Variants in CPNE1 observed in about 807,000 individuals in gnomAD.
CPNE1 encodes copine 1.
Under a neutral mutation model 63.2 loss-of-function variants are expected in CPNE1, and 58 were observed. The ratio of observed to expected loss-of-function variants is 0.92; its 90% CI spans 0.74 to 1.14. The LOEUF is 1.14. Among genes scored for constraint, CPNE1 ranks in the 50% most tolerant of loss-of-function variants. The pLI is 0.00. For synonymous variants in CPNE1, 237 were observed against 249.0 expected, an observed-to-expected ratio of 0.95 and a Z score of 0.45; for missense variants, 672 against 661.7, an observed-to-expected ratio of 1.02 and a Z score of -0.17.
intron 1 of CPNE1, chr20:35,643,569 CCT>C (rs2032940297): frequency 6.6e-6 from 1 of 151,988 alleles, no homozygotes; most frequent in African/African-American, 2.4e-5. Flanking sequence ...ATGGTGAAAC[CCT>C]GTCTCTACTA....
intron 1 of CPNE1, chr20:35,659,128 G>T (rs1601491734): frequency 5.7e-4 from 166 of 292,702 alleles, no homozygotes; most frequent in East Asian, 7.3e-4. Flanking sequence ...TACTTCATTA[G>T]AATGCATATC....
At position 35,664,742 on chromosome 20, in the gene CPNE1, G is replaced by T. The variant is rs138629852; in HGVS notation, c.-1+18C>A. The T allele has an allele frequency of 6.6e-6, 1 of 152,284 alleles. No individual in the cohort carries two copies. The allele number at this position is 152,284 out of a possible 1,614,324, so 9.4% of individuals were successfully genotyped here. On this transcript the variant is annotated intron_variant, in intron 1 of 15. Transcript: ENST00000397443. ...GCCCCGCACAGCCCCACCCGTTCAG[G>T]GGCTGCGGGAGTCTTACCGGGGAAA...
Position 35,626,299 on chromosome 20 carries a change from G to C in CPNE1, c.1556C>G (p.Ala519Gly). 6.2e-7 allele frequency: 1 copy of C among 1,614,054 alleles called. No individual in the cohort carries two copies. Among genetic ancestry groups the C allele is most frequent in the Non-Finnish European group, 8.5e-7 (1 of 1,179,992 alleles). The change falls in exon 16 of 16, where the codon GCC becomes GGC. Residue 519 changes from alanine (A) to glycine (G), a missense_variant. Transcript: ENST00000397443. The part of the protein sequence containing the change: ...LVSYFRAQGW[A>G]PLKPLPPSAK... ...TGAGGGTGGAAGTGGCTTGAGCGGG[G>C]CCCAACCCTGGGCCCTGAAGTATGA...
chr20:35,644,968 T>C (rs574568044), intron 1 of CPNE1, among the ~76,000 whole-genome samples: 8 of 152,316 alleles, frequency 5.3e-5, no homozygotes, highest in Non-Finnish European at 2.9e-5. Flanking sequence ...AGGACATCTA[T>C]AGGGTAGTCA....
intron 1 of CPNE1, chr20:35,643,375 G>A (rs1213532467): frequency 6.6e-6 from 1 of 152,264 alleles, no homozygotes; most frequent in Admixed American, 6.5e-5. Context: ...CTCAAAAGCA[G>A]GATAGGACTG....
At chr20:35,653,772 A>G (rs866817511) in intron 1 of CPNE1, 1 of 1,614,068 alleles carries the variant, frequency 6.2e-7, no homozygotes, top group South Asian at 1.1e-5. Context: ...GTCTTTTTCG[A>G]ATCATATCTA....
chr20:35,647,881 C>T (rs2033225691), intron 1 of CPNE1, among the ~76,000 whole-genome samples: 1 of 147,300 alleles, frequency 6.8e-6, no homozygotes, highest in Admixed American at 6.8e-5. Flanking sequence ...GGCAAAACCC[C>T]GTCTCTACTA....
chr20:35,643,447 G>C (rs887509796), intron 1 of CPNE1: 1 of 152,218 alleles, frequency 6.6e-6, no homozygotes, highest in African/African-American at 2.4e-5. Context: ...AAGTCTTCAC[G>C]TGAGTACTTC....
intron 1 of CPNE1, among the ~76,000 whole-genome samples, chr20:35,661,820 G>A (rs1312886796): frequency 1.3e-5 from 2 of 152,140 alleles, no homozygotes. Context: ...ATCCAAAAGT[G>A]AACTTTAACT....
At chr20:35,662,107 G>A (rs899348480) in intron 1 of CPNE1, among the ~76,000 whole-genome samples, 1 of 152,142 alleles carries the variant, frequency 6.6e-6, no homozygotes, top group South Asian at 2.1e-4. Context: ...TGACACTGAT[G>A]GAGATGTGTA....
At chr20:35,634,640 TAAGGTCCTGG>T (rs1261564998) in intron 1 of CPNE1, among the ~76,000 whole-genome samples, 1 of 152,108 alleles carries the variant, frequency 6.6e-6, no homozygotes, top group Non-Finnish European at 1.5e-5. Context: ...CCATGGCCTA[TAAGGTCCTGG>T]AAGGTCCAGA....
At chr20:35,634,905 A>ATTT (rs56017917) in intron 1 of CPNE1, among the ~76,000 whole-genome samples, 6 of 122,094 alleles carry the variant, frequency 4.9e-5, no homozygotes, top group South Asian at 2.8e-4. Flanking sequence ...ACACCCAGCT[A>ATTT]TTTTTTTTTT....
chr20:35,637,275 G>C (rs2032539955), intron 1 of CPNE1, among the ~76,000 whole-genome samples: 1 of 152,024 alleles, frequency 6.6e-6, no homozygotes, highest in Non-Finnish European at 1.5e-5. Context: ...CCAAGTAAAA[G>C]CCCCGTATAG....
intron 1 of CPNE1, among the ~76,000 whole-genome samples, chr20:35,641,884 C>T (rs1266817575): frequency 6.6e-6 from 1 of 152,228 alleles, no homozygotes; most frequent in African/African-American, 2.4e-5. Flanking sequence ...TGAGGCAAGT[C>T]TGCAGCAGTG....
rs1284589642 is a variant in CPNE1 at position 35,631,567 on chromosome 20, G to A, written c.639C>T (p.Ser213=). Residue 213 remains serine (S), a synonymous_variant, in exon 8 of 16, where the codon TCC becomes TCT. Transcript: ENST00000397443. ...CATGTGACCCGTCACTGTCATAATC[G>A]GAGCATTGCACCTGAGGGAAAGGTG... The part of the protein sequence containing the change: ...NPSTPIQVQC[S]DYDSDGSHDL... 4.3e-6 allele frequency: 7 copies of A among 1,613,750 alleles called. No individual in the cohort carries two copies. Among genetic ancestry groups the A allele is most frequent in the African/African-American group, 4.0e-5 (3 of 74,848 alleles).
Position 35,632,577 on chromosome 20 carries a change from G to A in CPNE1, c.249C>T (p.Asn83=). 1 of 1,613,804 alleles carries A rather than the reference G, an allele frequency of 6.2e-7. No homozygotes were observed. The highest frequency in any genetic ancestry group is 1.1e-5 in the South Asian group (1 of 91,080). Residue 83 remains asparagine (N), a synonymous_variant, in exon 3 of 16, where the codon AAC becomes AAT. Coordinates refer to ENST00000397443, the MANE Select transcript of CPNE1 (RefSeq NM_152925.3). The stretch of plus-strand genomic sequence containing the variant: ...CATCATCCCTCAGCTCTGGCGTCTT[G>A]TTGTCTATGTCATAGATTCCAAAGC... The part of the protein sequence containing the change: ...KLRFGIYDID[N]KTPELRDDDF...
intron 1 of CPNE1, among the ~76,000 whole-genome samples, chr20:35,657,380 T>C (rs887727435): frequency 2.6e-5 from 4 of 152,228 alleles, no homozygotes; most frequent in Non-Finnish European, 5.9e-5. Context: ...CAAAATGTGA[T>C]AGCATTTCCT....
At chr20:35,640,463 G>A (rs1601438796) in intron 1 of CPNE1, among the ~76,000 whole-genome samples, 1 of 151,994 alleles carries the variant, frequency 6.6e-6, no homozygotes, top group Non-Finnish European at 1.5e-5. Flanking sequence ...AAAAAAATTT[G>A]TCATTTATTT....
chr20:35,652,706 A>G (rs919303174), intron 1 of CPNE1: 1 of 1,614,056 alleles, frequency 6.2e-7, no homozygotes, highest in African/African-American at 1.3e-5. Context: ...AAGAAATCTA[A>G]AATCTCATCA....
Sources: gnomAD v4.1 joint callset for allele counts (sites outside exome capture counted in the v4.1 genomes callset) on GRCh38, gnomAD v4.1.1 for gene constraint, MANE v1.5 for transcripts, NCBI Gene and HGNC (gene_info 2026-07-23, HGNC 2026-07-21) for gene names.